LRCH3: variants seen among roughly 807,000 people sequenced by gnomAD.
LRCH3 encodes the protein leucine rich repeats and calponin homology domain containing 3, also known as DISP complex protein LRCH3.
LRCH3 carries 68 observed loss-of-function variants against 104.5 expected under a neutral mutation model. The observed-to-expected ratio is 0.65, with a 90% CI of 0.54 to 0.80. LRCH3 has a LOEUF of 0.80. LRCH3 is among the 30% of genes least tolerant of loss of function. LRCH3 has a pLI of 0.00. For synonymous variants in LRCH3, 344 were observed against 361.3 expected (o/e 0.95, Z 0.54); for missense variants, 951 against 953.9 (o/e 1.00, Z 0.04).
intron 8 of LRCH3, among the ~76,000 whole-genome samples, chr3:197,834,212 G>C (rs1736380045): frequency 6.6e-6 from 1 of 152,122 alleles, no homozygotes; most frequent in African/African-American, 2.4e-5. Context: ...GCCATTTTAA[G>C]TAGTTGTTTC....
Position 197,846,896 on chromosome 3 carries a change from A to T in LRCH3, c.1329-513A>T, listed in dbSNP as rs1232188764. 2.0e-5 allele frequency among the ~76,000 whole-genome samples: 3 copies of T among 152,112 alleles called. No homozygotes were observed. In the East Asian group the frequency reaches 5.8e-4, roughly 29 times the overall value. On this transcript the variant is annotated intron_variant, in intron 10 of 20. Transcript: ENST00000425562. ...CTTTTTTTTTGTTTTTTTAAGCATT[A>T]AAAAGGGCTTTGTATTTTTCTTAAA...
intron 19 of LRCH3, among the ~76,000 whole-genome samples, chr3:197,873,805 GAGGTCAGGAGTTCGA>G (rs1228520516): frequency 3.9e-5 from 6 of 152,108 alleles, no homozygotes; most frequent in African/African-American, 1.4e-4. Flanking sequence ...GGCAGATCAC[GAGGTCAGGAGTTCGA>G]GACCATCCTG....
intron 6 of LRCH3, 50 bp downstream of exon 6, chr3:197,829,723 A>C (rs767362654): frequency 3.9e-6 from 5 of 1,267,296 alleles, no homozygotes; most frequent in Non-Finnish European, 5.6e-6. Context: ...ACAGAGAATC[A>C]AATAAAATGG....
upstream of LRCH3, chr3:197,791,246 G>A (rs530373919): frequency 2.5e-6 from 4 of 1,602,974 alleles, no homozygotes; most frequent in African/African-American, 4.0e-5. Flanking sequence ...CGCATGCGCT[G>A]AGCTGGCGGG....
intron 1 of LRCH3, among the ~76,000 whole-genome samples, chr3:197,797,694 C>G (rs6583262): frequency 0.046 from 6,963 of 151,826 alleles, 292 homozygotes; most frequent in African/African-American, 0.11. Context: ...AACCCCGTCT[C>G]TACTAAAAAT....
At position 197,839,374 on chromosome 3, in the gene LRCH3, G is replaced by A. The variant is rs201287231; in HGVS notation, c.1305G>A (p.Met435Ile). The A allele has an allele frequency of 1.0e-5, 16 of 1,595,098 alleles. No homozygotes were observed. The highest frequency in any genetic ancestry group is 1.4e-5 in the African/African-American group (1 of 73,822). ...AIREFQKTED[M>I]RRYLHQNRVP... ...GGGAGTTTCAAAAAACAGAAGATAT[G>A]AGAAGATATTTACATCAAAACAGGT... Residue 435 changes from methionine (M) to isoleucine (I), a missense_variant, in exon 10 of 21, where the codon ATG (methionine) becomes ATA (isoleucine). By Grantham distance (10) the Met-to-Ile change is conservative. Transcript: ENST00000425562.
At chr3:197,865,549 A>G (rs1216636547) in intron 16 of LRCH3, 78 bp downstream of exon 16, 2 of 955,708 alleles carry the variant, frequency 2.1e-6, no homozygotes, top group Non-Finnish European at 3.0e-6. Flanking sequence ...AATAATAAAT[A>G]GAGACGAGGC....
intron 8 of LRCH3, 46 bp downstream of exon 8, chr3:197,832,363 C>G: frequency 6.3e-7 from 1 of 1,590,558 alleles, no homozygotes; most frequent in South Asian, 1.1e-5. Context: ...AACCATTTAA[C>G]TTTTTAAAGT....
chr3:197,823,678 A>T (rs1481683401), intron 4 of LRCH3, among the ~76,000 whole-genome samples: 1 of 151,570 alleles, frequency 6.6e-6, no homozygotes, highest in Non-Finnish European at 1.5e-5. Context: ...TTGTAGAGAC[A>T]AGGGTCTCAC....
chr3:197,859,969 C>T (rs1014756119), intron 15 of LRCH3, among the ~76,000 whole-genome samples: 6 of 152,144 alleles, frequency 3.9e-5, no homozygotes, highest in Admixed American at 6.5e-5. Flanking sequence ...ATACATCCCT[C>T]GTTAGAGCTT....
At chr3:197,876,550 T>C in intron 20 of LRCH3, among the ~76,000 whole-genome samples, 1 of 152,256 alleles carries the variant, frequency 6.6e-6, no homozygotes, top group Non-Finnish European at 1.5e-5. Context: ...CTAAGTATTA[T>C]ACTATTAAGG....
rs541950317 is a variant in LRCH3, at chr3:197,839,321, G to C, written c.1252G>C (p.Gly418Arg). 3 of 1,587,340 alleles carry C rather than the reference G, an allele frequency of 1.9e-6. No homozygotes were observed. Among genetic ancestry groups the C allele is most frequent in the Non-Finnish European group, 2.6e-6 (3 of 1,168,282 alleles). The change falls in exon 10 of 21, where the codon GGT (glycine) becomes CGT (arginine). Residue 418 changes from glycine to arginine, a missense_variant and splice_region_variant. Coordinates refer to ENST00000425562, the MANE Select transcript of LRCH3 (RefSeq NM_001365715.1). ...YIEQRRISHE[G>R]SPVKPVAIRE... ...TATTTATTTCTGTCCTCTGGCCTAG[G>C]GTTCACCAGTAAAGCCAGTAGCCAT...
chr3:197,792,301 G>T (rs1181984345), intron 1 of LRCH3, among the ~76,000 whole-genome samples: 3 of 151,816 alleles, frequency 2.0e-5, no homozygotes, highest in African/African-American at 4.8e-5. Context: ...ACTTAGAAAA[G>T]ATAGTCTAAC....
intron 3 of LRCH3, among the ~76,000 whole-genome samples, chr3:197,819,281 AT>A (rs1734211051): frequency 6.6e-6 from 1 of 151,512 alleles, no homozygotes. Flanking sequence ...TTTCTGAGAG[AT>A]TATACATTGC....
intron 5 of LRCH3, among the ~76,000 whole-genome samples, chr3:197,828,414 C>T (rs577807229): frequency 1.1e-4 from 17 of 152,052 alleles, no homozygotes; most frequent in Non-Finnish European, 1.6e-4. Context: ...GGCGCGATCT[C>T]GGCTCTCTGC....
intron 8 of LRCH3, 22 bp from the exon 9 acceptor site, chr3:197,835,636 TGTGTGTGTGTGTGTGG>T: frequency 9.7e-7 from 1 of 1,036,214 alleles, no homozygotes; most frequent in Non-Finnish European, 1.3e-6. Flanking sequence ...TTTTTTCTGG[TGTGTGTGTGTGTGTGG>T]GTGTGTGTGT....
rs778703585 is a variant in LRCH3, at chr3:197,849,047, T to A, written c.1530+1026T>A. On this transcript the variant is annotated intron_variant, in intron 12 of 20. Transcript: ENST00000425562. ...GAGAGGCCAAGGTGGGTGGATCACC[T>A]GAGGTCAGGAGTTTGAGACCAGCCT... Among the ~76,000 whole-genome samples, 3 of 152,126 alleles carry A rather than the reference T, an allele frequency of 2.0e-5. No individual in the cohort carries two copies. The East Asian group carries it at 5.8e-4, about 29-fold the overall frequency.
At chr3:197,832,155 C>CG (rs1359259408) in intron 7 of LRCH3, 42 bp from the exon 8 acceptor site, 1 of 1,585,540 alleles carries the variant, frequency 6.3e-7, no homozygotes, top group African/African-American at 1.3e-5. Flanking sequence ...ATCTGCCAGG[C>CG]TCTAAAATGA....
chr3:197,828,354 A>T (rs1735476292), intron 5 of LRCH3, among the ~76,000 whole-genome samples: 3 of 151,268 alleles, frequency 2.0e-5, no homozygotes, highest in Non-Finnish European at 4.4e-5. Flanking sequence ...TTATTTTTTT[A>T]TTTTTTTGTG....
Sources: allele counts gnomAD v4.1 joint callset (sites outside exome capture counted in the v4.1 genomes callset), GRCh38; gene constraint gnomAD v4.1.1; transcripts MANE v1.5; gene names NCBI Gene and HGNC (gene_info 2026-07-23, HGNC 2026-07-21).